EPB41L4A: variants seen among roughly 807,000 people sequenced by gnomAD.
EPB41L4A encodes erythrocyte membrane protein band 4.1 like 4A.
In EPB41L4A, 100 loss-of-function variants were observed where a neutral mutation model predicts 108.6. That is an observed-to-expected ratio of 0.92 (90% CI 0.78 to 1.09). The LOEUF is 1.09. Ranked by LOEUF, EPB41L4A falls within the 50% of genes least tolerant of loss-of-function variation. EPB41L4A has a pLI of 0.00. For synonymous variants in EPB41L4A, 319 were observed against 289.0 expected, an observed-to-expected ratio of 1.10 and a Z score of -1.05; for missense variants, 1,030 against 842.7, an observed-to-expected ratio of 1.22 and a Z score of -2.75.
chr5:112,419,871 T>C, upstream of EPB41L4A: 2 of 456,758 alleles, frequency 4.4e-6, no homozygotes, highest in South Asian at 3.1e-5. Context: ...CCTCCGGGAA[T>C]GCCTGCCGCG....
At chr5:112,204,649 A>T (rs1762384378) in intron 14 of EPB41L4A, 161 bp from the exon 15 acceptor site, 2 of 488,348 alleles carry the variant, frequency 4.1e-6, no homozygotes, top group Non-Finnish European at 7.4e-6. Context: ...AAAAGAAAAG[A>T]GGTAAGATCT....
chr5:112,319,124 T>C (rs183450061), intron 1 of EPB41L4A, among the ~76,000 whole-genome samples: 137 of 152,252 alleles, frequency 9.0e-4, no homozygotes, highest in Non-Finnish European at 4.6e-4. Flanking sequence ...GACAGGAAAG[T>C]ACAAGGCCTG....
intron 12 of EPB41L4A, among the ~76,000 whole-genome samples, chr5:112,220,296 C>T (rs1747957270): frequency 6.6e-6 from 1 of 152,144 alleles, no homozygotes; most frequent in Non-Finnish European, 1.5e-5. Context: ...GACAAATCCG[C>T]TGGGTCCTCC....
At chr5:112,378,760 C>T (rs1249733587) in intron 1 of EPB41L4A, among the ~76,000 whole-genome samples, 1 of 152,186 alleles carries the variant, frequency 6.6e-6, no homozygotes, top group Non-Finnish European at 1.5e-5. Flanking sequence ...TCCTCTAAAA[C>T]AAACTTCTTC....
chr5:112,389,134 T>C (rs932941016), intron 1 of EPB41L4A, among the ~76,000 whole-genome samples: 2 of 152,132 alleles, frequency 1.3e-5, no homozygotes, highest in African/African-American at 2.4e-5. Flanking sequence ...AACAAACACA[T>C]GATCATTTAA....
chr5:112,159,826 T>C (rs1759784885), downstream of EPB41L4A, among the ~76,000 whole-genome samples: 7 of 152,092 alleles, frequency 4.6e-5, no homozygotes, highest in African/African-American at 1.4e-4. Flanking sequence ...ATTAATAATC[T>C]CATATTGATT....
At chr5:112,262,371 G>A (rs1269905606) in intron 7 of EPB41L4A, 123 bp downstream of exon 7, 1 of 763,978 alleles carries the variant, frequency 1.3e-6, no homozygotes, top group South Asian at 1.7e-5. Context: ...TAGAAAAACA[G>A]ATAAAAAAGT....
At chr5:112,192,386 A>G (rs1480667608) in intron 17 of EPB41L4A, among the ~76,000 whole-genome samples, 1 of 152,138 alleles carries the variant, frequency 6.6e-6, no homozygotes, top group Non-Finnish European at 1.5e-5. Flanking sequence ...ACTTTATACC[A>G]CATCTTCTAC....
At chr5:112,409,937 T>C (rs575180483) in intron 1 of EPB41L4A, among the ~76,000 whole-genome samples, 4 of 152,300 alleles carry the variant, frequency 2.6e-5, no homozygotes, top group East Asian at 1.9e-4. Flanking sequence ...CAAAAGCCTA[T>C]GCCCTCTTCA....
chr5:112,252,521 A>AG (rs1750753478), intron 9 of EPB41L4A, among the ~76,000 whole-genome samples: 1 of 152,208 alleles, frequency 6.6e-6, no homozygotes, highest in Non-Finnish European at 1.5e-5. Flanking sequence ...CAAAGGCAGG[A>AG]GTCAGATTGA....
intron 12 of EPB41L4A, among the ~76,000 whole-genome samples, chr5:112,217,567 G>A (rs1370646381): frequency 6.6e-6 from 1 of 152,116 alleles, no homozygotes; most frequent in Non-Finnish European, 1.5e-5. Flanking sequence ...CAGGCATGGT[G>A]GCCCATGCTT....
At chr5:112,320,567 A>G (rs1339535706) in intron 1 of EPB41L4A, among the ~76,000 whole-genome samples, 3 of 152,154 alleles carry the variant, frequency 2.0e-5, no homozygotes, top group African/African-American at 7.2e-5. Flanking sequence ...TTCCGATTCT[A>G]CAAGAATAGC....
intron 1 of EPB41L4A, among the ~76,000 whole-genome samples, chr5:112,346,215 C>CTTT (rs1479210695): frequency 6.1e-5 from 3 of 49,044 alleles, no homozygotes; most frequent in East Asian, 9.8e-4. Context: ...AGGTACATTG[C>CTTT]ATTTTTTTTT....
chr5:112,331,617 C>T (rs1423854253), intron 1 of EPB41L4A, among the ~76,000 whole-genome samples: 1 of 152,188 alleles, frequency 6.6e-6, no homozygotes, highest in African/African-American at 2.4e-5. Flanking sequence ...GCTGCCCAAG[C>T]GGGGCCTTCT....
chr5:112,405,451 C>A (rs932331786), intron 1 of EPB41L4A, among the ~76,000 whole-genome samples: 1 of 152,156 alleles, frequency 6.6e-6, no homozygotes, highest in Non-Finnish European at 1.5e-5. Flanking sequence ...CCATAATTTG[C>A]CACATAGCAA....
At chr5:112,384,761 G>C (rs1048653300) in intron 1 of EPB41L4A, among the ~76,000 whole-genome samples, 3 of 147,954 alleles carry the variant, frequency 2.0e-5, no homozygotes, top group African/African-American at 7.6e-5. Flanking sequence ...CAAGGAAAGA[G>C]AAACGGAAGG....
At chr5:112,398,695 A>G (rs1010016631) in intron 1 of EPB41L4A, among the ~76,000 whole-genome samples, 1 of 152,078 alleles carries the variant, frequency 6.6e-6, no homozygotes, top group Non-Finnish European at 1.5e-5. Flanking sequence ...CCAGCCTAGA[A>G]GGTGGGTTTT....
intron 1 of EPB41L4A, among the ~76,000 whole-genome samples, chr5:112,340,429 G>T (rs565252714): frequency 3.9e-5 from 6 of 152,178 alleles, no homozygotes; most frequent in Non-Finnish European, 7.3e-5. Context: ...CACATTTTGG[G>T]AACCACTGCT....
intron 19 of EPB41L4A, among the ~76,000 whole-genome samples, chr5:112,170,694 T>C (rs1005998981): frequency 6.6e-6 from 1 of 152,202 alleles, no homozygotes; most frequent in African/African-American, 2.4e-5. Context: ...TTGTAAACTA[T>C]TGGCCTGTCT....
Sources: allele counts gnomAD v4.1 joint callset (sites outside exome capture counted in the v4.1 genomes callset), GRCh38; gene constraint gnomAD v4.1.1; transcripts MANE v1.5; gene names NCBI Gene and HGNC (gene_info 2026-07-23, HGNC 2026-07-21).